Variants in NEGR1 observed in about 807,000 individuals in gnomAD.
The protein encoded by NEGR1 is neuronal growth regulator 1, also known as IgLON family member 4.
A neutral mutation model predicts 40.9 loss-of-function variants in NEGR1; 10 were observed. The ratio of observed to expected loss-of-function variants is 0.24; its 90% confidence interval spans 0.15 to 0.42. NEGR1 has a LOEUF of 0.42. Ranked by LOEUF, NEGR1 falls within the 10% of genes least tolerant of loss-of-function variation. NEGR1 has a pLI of 1.00. For missense variants in NEGR1, 352 were observed against 438.9 expected, an observed-to-expected ratio of 0.80 and a Z score of 1.77; for synonymous variants, 185 against 166.8, an observed-to-expected ratio of 1.11 and a Z score of -0.84.
At chr1:71,851,594 A>C (rs1020627277) in intron 2 of NEGR1, among the ~76,000 whole-genome samples, 1 of 152,176 alleles carries the variant, frequency 6.6e-6, no homozygotes, top group African/African-American at 2.4e-5. Context: ...TGTTTAGTAA[A>C]AGAGATTTTT....
chr1:72,079,866 A>G (rs1045663205), intron 1 of NEGR1, among the ~76,000 whole-genome samples: 3 of 152,092 alleles, frequency 2.0e-5, no homozygotes, highest in African/African-American at 7.2e-5. Context: ...TATATTTGTT[A>G]TATTAAAAAA....
chr1:72,079,520 G>GA (rs1186418032), intron 1 of NEGR1, among the ~76,000 whole-genome samples: 1 of 151,810 alleles, frequency 6.6e-6, no homozygotes, highest in Non-Finnish European at 1.5e-5. Context: ...TAGTACAAAA[G>GA]AAAAAATGAA....
intron 1 of NEGR1, among the ~76,000 whole-genome samples, chr1:72,216,547 A>G (rs2100473638): frequency 6.6e-6 from 1 of 151,096 alleles, no homozygotes; most frequent in African/African-American, 2.4e-5. Flanking sequence ...AGTAACTTGA[A>G]TAGTTTTATC....
intron 6 of NEGR1, among the ~76,000 whole-genome samples, chr1:71,417,613 T>C (rs1394424986): frequency 1.3e-5 from 2 of 152,190 alleles, no homozygotes; most frequent in Admixed American, 6.5e-5. Flanking sequence ...GTGTTTGTTA[T>C]GGATGGAGGC....
At chr1:71,921,025 C>A (rs1645712091) in intron 2 of NEGR1, among the ~76,000 whole-genome samples, 1 of 152,184 alleles carries the variant, frequency 6.6e-6, no homozygotes, top group Non-Finnish European at 1.5e-5. Flanking sequence ...GCCCAAGGCT[C>A]ACATAAATGC....
chr1:71,520,789 G>A (rs776437965), intron 6 of NEGR1, among the ~76,000 whole-genome samples: 1 of 151,974 alleles, frequency 6.6e-6, no homozygotes, highest in East Asian at 1.9e-4. Context: ...CTGGGGCAGG[G>A]AAAGACAATA....
chr1:71,544,698 G>C (rs61764985), intron 6 of NEGR1, among the ~76,000 whole-genome samples: 2 of 151,636 alleles, frequency 1.3e-5, no homozygotes, highest in East Asian at 3.9e-4. Context: ...TGACAGCCCC[G>C]TATAGGAGAT....
intron 1 of NEGR1, among the ~76,000 whole-genome samples, chr1:72,224,583 G>C (rs552907506): frequency 4.3e-4 from 66 of 152,118 alleles, no homozygotes; most frequent in African/African-American, 1.6e-3. Context: ...CTTGCATGTC[G>C]GAATGCATGG....
At chr1:71,541,423 T>C (rs973477432) in intron 6 of NEGR1, among the ~76,000 whole-genome samples, 2 of 151,610 alleles carry the variant, frequency 1.3e-5, no homozygotes, top group Non-Finnish European at 3.0e-5. Flanking sequence ...AAACAAGTAA[T>C]GAAAAGGCAG....
chr1:71,771,432 G>T (rs1656318302), intron 3 of NEGR1, among the ~76,000 whole-genome samples: 1 of 151,962 alleles, frequency 6.6e-6, no homozygotes, highest in African/African-American at 2.4e-5. Context: ...ACGTACCCCA[G>T]AACTTAAAGT....
chr1:71,691,485 G>A (rs572622545), intron 4 of NEGR1, among the ~76,000 whole-genome samples: 4 of 151,074 alleles, frequency 2.6e-5, no homozygotes, highest in African/African-American at 9.7e-5. Flanking sequence ...CTTTTGGTTG[G>A]CATTGTTCTC....
chr1:71,660,275 TA>T (rs1415874594), intron 4 of NEGR1, among the ~76,000 whole-genome samples: 1 of 152,066 alleles, frequency 6.6e-6, no homozygotes, highest in Non-Finnish European at 1.5e-5. Flanking sequence ...AGCTAAATGA[TA>T]AGAACTTATG....
At position 71,859,741 on chromosome 1, in the gene NEGR1, G is replaced by A. The variant is rs564721898; in HGVS notation, c.409+75338C>T. ...TGCCACATTTGGGGATGTCAGCTCCGCTATCACAAGGGTTTTAGTTCACTG... is the reference window on the plus strand; with the variant it reads ...TGCCACATTTGGGGATGTCAGCTCCACTATCACAAGGGTTTTAGTTCACTG... On this transcript the variant is annotated intron_variant, in intron 2 of 6. Coordinates refer to ENST00000357731, the MANE Select transcript of NEGR1 (RefSeq NM_173808.3). Among the ~76,000 whole-genome samples, 11 of 152,030 alleles carry A rather than the reference G, an allele frequency of 7.2e-5. No homozygotes were observed. In the South Asian group the frequency reaches 1.5e-3, roughly 20 times the overall value.
intron 1 of NEGR1, among the ~76,000 whole-genome samples, chr1:72,188,624 A>G (rs985584376): frequency 5.9e-5 from 9 of 151,510 alleles, no homozygotes; most frequent in African/African-American, 2.2e-4. Context: ...CCTAGGAGAT[A>G]TTTGTAAATT....
intron 1 of NEGR1, among the ~76,000 whole-genome samples, chr1:72,266,126 A>G (rs1358912361): frequency 6.6e-6 from 1 of 150,884 alleles, no homozygotes. Flanking sequence ...TATGGCAGTT[A>G]TATTTACAGA....
intron 4 of NEGR1, among the ~76,000 whole-genome samples, chr1:71,614,201 G>C (rs1650365523): frequency 6.6e-6 from 1 of 151,688 alleles, no homozygotes; most frequent in Admixed American, 6.6e-5. Flanking sequence ...ATGTTTGCAT[G>C]AGAACTGTTA....
intron 1 of NEGR1, among the ~76,000 whole-genome samples, chr1:72,228,512 G>C (rs1481016124): frequency 6.6e-6 from 1 of 152,082 alleles, no homozygotes; most frequent in African/African-American, 2.4e-5. Flanking sequence ...CCCAATAACT[G>C]AATGAGTCAA....
In NEGR1 at chr1:71,399,355, T is replaced by C. The variant is rs569352224; in HGVS notation, c.*8091A>G. 6.6e-6 allele frequency: 1 copy of C among 152,348 alleles called. No individual in the cohort carries two copies. The highest frequency in any genetic ancestry group is 1.9e-4 in the East Asian group (1 of 5,192). 9.4% of individuals were successfully genotyped at this position (152,348 alleles called of 1,614,324 possible). ...AACACATTTCAAAGCATAATTTAGT[T>C]GTTTATCAACAAGAAAAATGTATTA... On this transcript the variant is annotated 3_prime_UTR_variant, in exon 7 of 7. Transcript: ENST00000357731.
chr1:72,244,753 A>T (rs565492184), intron 1 of NEGR1, among the ~76,000 whole-genome samples: 1 of 152,050 alleles, frequency 6.6e-6, no homozygotes, highest in South Asian at 2.1e-4. Flanking sequence ...ACATTATTCT[A>T]TATGTCTTTC....
Sources: gnomAD v4.1 joint callset for allele counts (sites outside exome capture counted in the v4.1 genomes callset) on GRCh38, gnomAD v4.1.1 for gene constraint, MANE v1.5 for transcripts, NCBI Gene and HGNC (gene_info 2026-07-23, HGNC 2026-07-21) for gene names.